MMP28: variants seen among roughly 807,000 people sequenced by gnomAD.
MMP28 encodes the protein matrix metalloproteinase-28.
Under a neutral mutation model 60.5 loss-of-function variants are expected in MMP28, and 55 were observed. The observed-to-expected ratio is 0.91, with a 90% CI of 0.73 to 1.14. The LOEUF (loss-of-function observed/expected upper bound fraction) is 1.14, where lower values mean the gene tolerates loss of function less well. MMP28 is among the 50% of genes most tolerant of loss of function. MMP28 has a pLI of 0.00. For missense variants in MMP28, 686 were observed against 738.3 expected, an observed-to-expected ratio of 0.93 and a Z score of 0.82; for synonymous variants, 318 against 312.5, an observed-to-expected ratio of 1.02 and a Z score of -0.18.
Position 35,773,229 on chromosome 17 carries a change from G to A in MMP28, c.555C>T (p.Phe185=), listed in dbSNP as rs2143314205. Residue 185 remains phenylalanine (F), a synonymous_variant, in exon 4 of 8, where the codon TTC becomes TTT. Coordinates refer to ENST00000605424, the MANE Select transcript of MMP28 (RefSeq NM_024302.5). ...ATGPADIRLT[F]FQGDHNDGLG... ...GCCCATCGTTGTGGTCCCCTTGGAAGAAGGTGAGCCGGATGTCAGCGGGGC... is the reference window on the plus strand; with the variant it reads ...GCCCATCGTTGTGGTCCCCTTGGAAAAAGGTGAGCCGGATGTCAGCGGGGC... 6.2e-7 allele frequency: 1 copy of A among 1,614,062 alleles called. No homozygotes were observed. Among genetic ancestry groups the A allele is most frequent in the Non-Finnish European group, 8.5e-7 (1 of 1,179,898 alleles).
At chr17:35,764,698 G>A, downstream of MMP28, 1 of 1,440,068 alleles carries the variant, frequency 6.9e-7, no homozygotes, top group Non-Finnish European at 9.2e-7. Context: ...TTGGAGCGCG[G>A]AGCCCTCTTC....
rs941879609 is a variant in MMP28 at position 35,766,205 on chromosome 17, G to A, written c.*295C>T. On this transcript the variant is annotated 3_prime_UTR_variant, in exon 8 of 8. Transcript: ENST00000605424. This position sits in a 1 kb window ranked among gnomAD's most constrained non-coding sequence, Gnocchi z 4.3. ...CTTGAAAGGAACTGTACCTTTAGCC[G>A]AAGAAACAAAGGCCTGGGGAGGATA... is the stretch of plus-strand genomic sequence containing the variant. The A allele has an allele frequency of 9.3e-6, 11 of 1,183,586 alleles. No homozygotes were observed. Among genetic ancestry groups the A allele is most frequent in the African/African-American group, 6.2e-5 (4 of 64,296 alleles). The allele number at this position is 1,183,586 out of a possible 1,614,324, so 73.3% of individuals were successfully genotyped here.
rs377300676 is a variant in MMP28 at position 35,773,277 on chromosome 17, C to G, written c.507G>C (p.Glu169Asp). 7 of 1,613,890 alleles carry G rather than the reference C, an allele frequency of 4.3e-6. No individual in the cohort carries two copies. Among genetic ancestry groups the G allele is most frequent in the Middle Eastern group, 1.6e-4 (1 of 6,084 alleles). The change falls in exon 4 of 8, where the codon GAG becomes GAC. Residue 169 changes from glutamate (E) to aspartate (D), a missense_variant. Physicochemically the swap from Glu to Asp is conservative, Grantham distance 45. Transcript: ENST00000605424. ...FQLWSNVSAL[E>D]FWEAPATGPA... ...GGCCTGTGGCTGGGGCCTCCCAGAA[C>G]TCCAGCGCTGAGACGTTGCTCCACA...
At chr17:35,757,584 G>T (rs1348739350) in intron 2 of MMP28, 7 of 152,200 alleles carry the variant, frequency 4.6e-5, no homozygotes, top group African/African-American at 1.7e-4. Flanking sequence ...TTAATAAATT[G>T]TATAAAGTTT....
chr17:35,760,769 G>A (rs1231120694), intron 2 of MMP28: 1 of 720,996 alleles, frequency 1.4e-6, no homozygotes, highest in Non-Finnish European at 2.4e-6. Flanking sequence ...GCTTTGGGAG[G>A]CTCTGGAAAA....
chr17:35,785,593 G>A lies in MMP28; in HGVS notation c.112-6270C>T, dbSNP rs35800507. Among the ~76,000 whole-genome samples, 958 of 152,068 alleles carry A rather than the reference G, an allele frequency of 6.3e-3. 12 individuals carry two copies. Among genetic ancestry groups the A allele is most frequent in the African/African-American group, 0.022 (917 of 41,448 alleles). On this transcript the variant is annotated intron_variant, in intron 1 of 7. Transcript: ENST00000605424. ...CTCCCGAGTAGCTGGGACTACAGGC[G>A]CCCACCACCATGCCCGGCTAATTTT...
At chr17:35,759,140 C>A (rs74748046) in intron 2 of MMP28, among the ~76,000 whole-genome samples, 3,154 of 152,248 alleles carry the variant, frequency 0.021, 64 homozygotes, top group East Asian at 0.11. Flanking sequence ...GTTCTCAAGT[C>A]TTTTGGTCAT....
downstream of MMP28, chr17:35,763,885 A>C (rs2085874587): frequency 1.4e-6 from 1 of 726,730 alleles, no homozygotes; most frequent in Admixed American, 4.8e-5. Flanking sequence ...CTACAGAGAG[A>C]GACCCTGTCT....
intron 3 of MMP28, among the ~76,000 whole-genome samples, chr17:35,775,471 T>C (rs1454665510): frequency 5.3e-5 from 8 of 152,038 alleles, no homozygotes; most frequent in Admixed American, 5.2e-4. Flanking sequence ...AAGGAAAAAG[T>C]ATGGGAAGGG....
At chr17:35,780,936 C>T (rs946011673) in intron 1 of MMP28, among the ~76,000 whole-genome samples, 2 of 151,990 alleles carry the variant, frequency 1.3e-5, no homozygotes, top group Non-Finnish European at 2.9e-5. Context: ...AACTTCACAT[C>T]GGAAGGTCAG....
At chr17:35,762,673 A>G (rs77866747), downstream of MMP28, among the ~76,000 whole-genome samples, 19,544 of 151,888 alleles carry the variant, frequency 0.13, 1,795 homozygotes, top group African/African-American at 0.26. Flanking sequence ...CCATTTCCCT[A>G]ACTATAAGGC....
intron 2 of MMP28, among the ~76,000 whole-genome samples, chr17:35,758,940 G>A (rs948058984): frequency 3.9e-5 from 6 of 152,096 alleles, no homozygotes; most frequent in Non-Finnish European, 8.8e-5. Flanking sequence ...TTGGTGGGAT[G>A]GTCTTTGAAC....
Position 35,776,179 on chromosome 17 carries a change from C to CT in MMP28, c.379+2708dup, listed in dbSNP as rs1024480737. ...GTGAGCCACCGCGCCCAGGCTTTTT[C>CT]TTTTTTTTTTGAGACAGAGTCTCAC... On this transcript the variant is annotated intron_variant, in intron 3 of 7. Coordinates refer to ENST00000605424, the MANE Select transcript of MMP28 (RefSeq NM_024302.5). Among the ~76,000 whole-genome samples, 231 of 134,510 alleles carry CT rather than the reference C, an allele frequency of 1.7e-3. 1 individual carries two copies. Among genetic ancestry groups the CT allele is most frequent in the African/African-American group, 3.5e-3 (127 of 36,126 alleles). 88.2% of individuals were successfully genotyped at this position (134,510 alleles called of 152,430 possible). A position where few individuals can be genotyped will look rare whatever the true frequency, so the allele number is the denominator to read the frequency against.
rs2086950366 is a variant in MMP28, at chr17:35,795,631, G to A, written c.-254C>T. On this transcript the variant is annotated 5_prime_UTR_variant, in exon 1 of 8. Transcript: ENST00000605424. ...CGCGGGTCCGCCGGCCCCGGGGACC[G>A]AGGGAGGGAGGAAGGAAAGGCAGGC... 1 of 340,708 alleles carries A rather than the reference G, an allele frequency of 2.9e-6. No individual in the cohort carries two copies. Among genetic ancestry groups the A allele is most frequent in the African/African-American group, 2.1e-5 (1 of 47,136 alleles). 21.1% of individuals were successfully genotyped at this position (340,708 alleles called of 1,614,324 possible).
At chr17:35,768,447 G>C in intron 5 of MMP28, 68 bp from the exon 6 acceptor site, 1 of 1,287,452 alleles carries the variant, frequency 7.8e-7, no homozygotes, top group Non-Finnish European at 1.1e-6. Flanking sequence ...GTGCACTCAA[G>C]ACCTTCCCTT....
intron 2 of MMP28, chr17:35,758,287 C>T (rs587609533): frequency 2.6e-4 from 40 of 152,262 alleles, no homozygotes; most frequent in African/African-American, 9.4e-4. Flanking sequence ...AGAGGTCTCC[C>T]AAGCAGACGT....
chr17:35,763,164 G>A (rs1045820179), downstream of MMP28, among the ~76,000 whole-genome samples: 13 of 151,982 alleles, frequency 8.6e-5, no homozygotes, highest in Non-Finnish European at 1.3e-4. Context: ...CAGGGGAGGC[G>A]GCTCGTGGCT....
rs758380376 is a variant in MMP28, at chr17:35,795,383, C to A, written c.-6G>T. On this transcript the variant is annotated 5_prime_UTR_variant, in exon 1 of 8. Transcript: ENST00000605424. ...AGGCCGACGCGCGCGACCATCTCGC[C>A]GCCTCCGGTGCAGCCCGGCTCGGGG... 7.0e-7 allele frequency: 1 copy of A among 1,431,260 alleles called. No homozygotes were observed. Among genetic ancestry groups the A allele is most frequent in the Admixed American group, 2.7e-5 (1 of 37,230 alleles). 88.7% of individuals were successfully genotyped at this position (1,431,260 alleles called of 1,614,324 possible).
At chr17:35,760,555 T>C (rs2085798700) in intron 2 of MMP28, among the ~76,000 whole-genome samples, 1 of 152,174 alleles carries the variant, frequency 6.6e-6, no homozygotes, top group African/African-American at 2.4e-5. Flanking sequence ...ATAGGCCAGG[T>C]AAAGCGTGGT....
Sources: gnomAD v4.1 joint callset for allele counts (sites outside exome capture counted in the v4.1 genomes callset) on GRCh38, gnomAD v4.1.1 for gene constraint, Gnocchi (gnomAD v3.1) non-coding constraint, MANE v1.5 for transcripts, NCBI Gene and HGNC (gene_info 2026-07-23, HGNC 2026-07-21) for gene names.